PITRM1: variants seen among roughly 807,000 people sequenced by gnomAD.
PITRM1 encodes presequence protease, mitochondrial.
Under a neutral mutation model 129.9 loss-of-function variants are expected in PITRM1, and 100 were observed. That is an observed-to-expected ratio of 0.77 (90% CI 0.65 to 0.91). The LOEUF is 0.91. Among genes scored for constraint, PITRM1 ranks in the 40% least tolerant of loss-of-function variants. PITRM1 has a pLI of 0.00. For synonymous variants in PITRM1, 591 were observed against 508.8 expected, an observed-to-expected ratio of 1.16 and a Z score of -2.17; for missense variants, 1,471 against 1,318.3, an observed-to-expected ratio of 1.12 and a Z score of -1.79.
Position 3,166,391 on chromosome 10 carries a change from A to AGAGAAATGGCACGCTAGGGAAGGC in PITRM1, c.267-12_267-11insGCCTTCCCTAGCGTGCCATTTCTC, listed in dbSNP as rs572476455. 1.1e-5 allele frequency: 16 copies of AGAGAAATGGCACGCTAGGGAAGGC among 1,395,450 alleles called. No homozygotes were observed. Among genetic ancestry groups the AGAGAAATGGCACGCTAGGGAAGGC allele is most frequent in the Middle Eastern group, 2.0e-4 (1 of 5,050 alleles). The allele number at this position is 1,395,450 out of a possible 1,614,324, so 86.4% of individuals were successfully genotyped here. The stretch of plus-strand genomic sequence containing the variant: ...GTACGGAACTGCACGCTAGGGAAGG[A>AGAGAAATGGCACGCTAGGGAAGGC]GAATGACCAGAACGCAAAAGGTTCA... On this transcript the variant is annotated splice_polypyrimidine_tract_variant and intron_variant, in intron 3 of 26. Coordinates refer to ENST00000224949, the MANE Select transcript of PITRM1 (RefSeq NM_014889.4).
chr10:3,138,847 CAG>C, intron 25 of PITRM1, 55 bp downstream of exon 25: 2 of 1,570,456 alleles, frequency 1.3e-6, no homozygotes, highest in South Asian at 2.2e-5. Context: ...ACTTGGAAAA[CAG>C]CAACGTCATC....
intron 1 of PITRM1, among the ~76,000 whole-genome samples, chr10:3,171,227 T>C (rs1430133110): frequency 3.7e-5 from 4 of 109,412 alleles, no homozygotes; most frequent in South Asian, 5.8e-4. Context: ...AACAAAGATA[T>C]GGGTCACATA....
chr10:3,151,063 C>A, intron 15 of PITRM1, 184 bp downstream of exon 15: 1 of 572,744 alleles, frequency 1.7e-6, no homozygotes, highest in Non-Finnish European at 3.2e-6. Flanking sequence ...GTGAAGGAGT[C>A]TATCACCACC....
intron 23 of PITRM1, chr10:3,141,652 A>C: frequency 4.2e-6 from 2 of 470,644 alleles, no homozygotes; most frequent in South Asian, 1.6e-5. Flanking sequence ...CAATGATGGG[A>C]GGGTCTGCAG....
At chr10:3,143,903 T>A in intron 22 of PITRM1, 1 of 524,328 alleles carries the variant, frequency 1.9e-6, no homozygotes, top group African/African-American at 1.9e-5. Flanking sequence ...CCAAACAGCA[T>A]CAGCACCAGG....
intron 7 of PITRM1, among the ~76,000 whole-genome samples, chr10:3,162,691 C>G (rs575707692): frequency 2.0e-5 from 3 of 152,236 alleles, no homozygotes; most frequent in Non-Finnish European, 4.4e-5. Flanking sequence ...GTCTTTGGAT[C>G]TAAGTTCCAG....
Position 3,147,184 on chromosome 10 carries a change from T to C in PITRM1, c.2302A>G (p.Ile768Val), listed in dbSNP as rs1359861782. ...IKPILRKLPR[I>V]KKHLLNGDNM... is the part of the protein sequence containing the mutation. ...TCACCATTTAACAAGTGTTTCTTGA[T>C]ACGCGGGAGCTTCCTCAGGATGGGT... The change falls in exon 20 of 27, where the codon ATC (isoleucine) becomes GTC (valine). Residue 768 changes from isoleucine to valine, a missense_variant. Transcript: ENST00000224949. 6.2e-7 allele frequency: 1 copy of C among 1,603,874 alleles called. No homozygotes were observed. The highest frequency in any genetic ancestry group is 1.1e-5 in the South Asian group (1 of 90,878).
Position 3,150,670 on chromosome 10 carries a change from G to A in PITRM1, c.1738+577C>T, listed in dbSNP as rs79931902. On this transcript the variant is annotated intron_variant, in intron 15 of 26. Coordinates refer to ENST00000224949, the MANE Select transcript of PITRM1 (RefSeq NM_014889.4). ...TACTAGCCAGGAGCCAGAGAGAAAG[G>A]GGGCACCCTGAGAACTCAAAAGCAG... Among the ~76,000 whole-genome samples the A allele has an allele frequency of 5.5e-3, 833 of 152,228 alleles. 5 individuals carry two copies. The highest frequency in any genetic ancestry group is 0.034 in the Middle Eastern group (10 of 294).
At chr10:3,152,700 G>A (rs1029154638) in intron 14 of PITRM1, among the ~76,000 whole-genome samples, 2 of 152,304 alleles carry the variant, frequency 1.3e-5, no homozygotes, top group African/African-American at 4.8e-5. Flanking sequence ...TGACTTTCCC[G>A]ACCTCACGCC....
chr10:3,139,648 T>A (rs1018720414), intron 24 of PITRM1, among the ~76,000 whole-genome samples: 6 of 152,194 alleles, frequency 3.9e-5, no homozygotes, highest in Admixed American at 1.3e-4. Context: ...TCTACCTACA[T>A]GCCTGCCTAC....
rs375085624 is a variant in PITRM1 at position 3,138,961 on chromosome 10, C to T, written c.2860G>A (p.Glu954Lys). The change falls in exon 25 of 27, where the codon GAA (glutamate) becomes AAA (lysine). Residue 954 changes from glutamate (E) to lysine (K), a missense_variant. Glu to Lys is a moderately conservative substitution (Grantham distance 56, BLOSUM62 1). Transcript: ENST00000224949. ...SGKFTQQDID[E>K]AKLSVFSTVD... ...GTTGAGAAGACAGAAAGTTTGGCTT[C>T]GTCGATGTCTTGCTGTGTGAATTTT... 55 of 1,613,744 alleles carry T rather than the reference C, an allele frequency of 3.4e-5. 1 individual carries two copies. Among genetic ancestry groups the T allele is most frequent in the African/African-American group, 4.0e-5 (3 of 74,908 alleles).
chr10:3,141,888 C>CA, intron 23 of PITRM1: 1 of 227,412 alleles, frequency 4.4e-6, no homozygotes, highest in Admixed American at 5.4e-5. Context: ...GGGGCGCCGT[C>CA]AGCCGGGACT....
intron 23 of PITRM1, among the ~76,000 whole-genome samples, chr10:3,141,088 T>C (rs1362561499): frequency 6.6e-6 from 1 of 152,212 alleles, no homozygotes; most frequent in Non-Finnish European, 1.5e-5. Context: ...CCTACAGGTG[T>C]GTGCCACCAC....
At position 3,157,045 on chromosome 10, in the gene PITRM1, T is replaced by C. The variant is rs2132452081; in HGVS notation, c.1367A>G (p.Asn456Ser). The change falls in exon 13 of 27, where the codon AAC (asparagine) becomes AGC (serine). Residue 456 changes from asparagine (N) to serine (S), a missense_variant. By Grantham distance (46) the Asn-to-Ser change is conservative. Transcript: ENST00000224949. ...GAGCTCCACAGGGTCCCCATCATGG[T>C]TCCAGCAAGAAGCTATGTACTGGAA... ...MLTSYIASCWNHDGDPVELLK... is the reference protein window; with the variant it reads ...MLTSYIASCWSHDGDPVELLK... 6.2e-7 allele frequency: 1 copy of C among 1,610,232 alleles called. No homozygotes were observed. Among genetic ancestry groups the C allele is most frequent in the East Asian group, 2.2e-5 (1 of 44,662 alleles).
chr10:3,142,801 C>T (rs1212500031), intron 23 of PITRM1, among the ~76,000 whole-genome samples: 2 of 152,186 alleles, frequency 1.3e-5, no homozygotes, highest in African/African-American at 4.8e-5. Flanking sequence ...TGTGAGGCGG[C>T]CTCCAGCCCT....
rs1842768547 is a variant in PITRM1, at chr10:3,165,292, G to C, written c.576C>G (p.Pro192=). ...CTCCTTTAAAGACCAAGGGCGTCTG[G>C]GGGTCGCTCGGATTCTCATGTTCCA... ...WRLEHENPSD[P]QTPLVFKGVV... is the part of the protein sequence containing the mutation. The change falls in exon 6 of 27, where the codon CCC becomes CCG. Residue 192 remains proline (P), a synonymous_variant. Transcript: ENST00000224949. 6.3e-7 allele frequency: 1 copy of C among 1,588,096 alleles called. No individual in the cohort carries two copies. Among genetic ancestry groups the C allele is most frequent in the African/African-American group, 1.3e-5 (1 of 74,094 alleles).
In PITRM1 at chr10:3,138,418, A is replaced by T. The variant is rs185954692; in HGVS notation, c.2918-81T>A. 8.7e-5 allele frequency: 78 copies of T among 896,834 alleles called. No individual in the cohort carries two copies. In the East Asian group the frequency reaches 1.6e-3, roughly 19 times the overall value. 55.6% of individuals were successfully genotyped at this position (896,834 alleles called of 1,614,324 possible). A position where few individuals can be genotyped will look rare whatever the true frequency, so the allele number is the denominator to read the frequency against. ...GCTGTGCACTCATGTCCCGGAGGGG[A>T]CACAGGCATCTCACTGTCATTTCAC... On this transcript the variant is annotated intron_variant, in intron 25 of 26. Coordinates refer to ENST00000224949, the MANE Select transcript of PITRM1 (RefSeq NM_014889.4).
chr10:3,163,795 A>G lies in PITRM1; in HGVS notation c.721T>C (p.Cys241Arg). 8 of 1,613,520 alleles carry G rather than the reference A, an allele frequency of 5.0e-6. No individual in the cohort carries two copies. The highest frequency in any genetic ancestry group is 6.8e-6 in the Non-Finnish European group (8 of 1,179,626). ...TGCTCCCATGTAAGCTCCGGGATGC[A>G]CAGTGGGTCACCCCCGGAGACCACT... is the stretch of plus-strand genomic sequence containing the variant. ...YSVVSGGDPLCIPELTWEQLK... is the reference protein window; with the variant it reads ...YSVVSGGDPLRIPELTWEQLK... The change falls in exon 7 of 27, where the codon TGC (cysteine) becomes CGC (arginine). Residue 241 changes from cysteine (C) to arginine (R), a missense_variant. By Grantham distance (180) the Cys-to-Arg change is radical (BLOSUM62 -3). Coordinates refer to ENST00000224949, the MANE Select transcript of PITRM1 (RefSeq NM_014889.4).
chr10:3,140,092 G>C (rs1003244316), intron 24 of PITRM1, among the ~76,000 whole-genome samples: 2 of 152,126 alleles, frequency 1.3e-5, no homozygotes, highest in African/African-American at 2.4e-5. Flanking sequence ...CTATACCTAT[G>C]ATAAAGTTTA....
Sources: allele counts gnomAD v4.1 joint callset (sites outside exome capture counted in the v4.1 genomes callset), GRCh38; gene constraint gnomAD v4.1.1; transcripts MANE v1.5; gene names NCBI Gene and HGNC (gene_info 2026-07-23, HGNC 2026-07-21).